Variants in ST3GAL5 observed in about 807,000 individuals in gnomAD.
ST3GAL5 encodes the protein ST3 beta-galactoside alpha-2,3-sialyltransferase 5, also known as lactosylceramide alpha-2,3-sialyltransferase.
ST3GAL5 carries 25 observed loss-of-function variants against 46.1 expected under a neutral mutation model. The observed-to-expected ratio is 0.54, with a 90% confidence interval of 0.40 to 0.76. ST3GAL5 has a LOEUF of 0.76. Ranked by LOEUF, ST3GAL5 falls within the 30% of genes least tolerant of loss-of-function variation. The pLI is 0.00. For missense variants in ST3GAL5, 431 were observed against 521.2 expected, an observed-to-expected ratio of 0.83 and a Z score of 1.69; for synonymous variants, 182 against 192.7, an observed-to-expected ratio of 0.94 and a Z score of 0.46.
chr2:85,883,028 G>A (rs368787091), intron 1 of ST3GAL5, among the ~76,000 whole-genome samples: 142 of 152,180 alleles, frequency 9.3e-4, no homozygotes, highest in African/African-American at 3.0e-3. Flanking sequence ...GACTTTGGTC[G>A]GTGGACTTTT....
chr2:85,846,826 A>C, intron 4 of ST3GAL5: 1 of 399,778 alleles, frequency 2.5e-6, no homozygotes, highest in Non-Finnish European at 4.5e-6. Context: ...CAATCTAAGC[A>C]TATTACATTT....
chr2:85,859,892 TA>T (rs1263126456), intron 3 of ST3GAL5, among the ~76,000 whole-genome samples: 1 of 152,158 alleles, frequency 6.6e-6, no homozygotes, highest in Non-Finnish European at 1.5e-5. Flanking sequence ...TTGAATTGGG[TA>T]AAACATTTAA....
At chr2:85,842,886 A>G (rs1682319136) in intron 6 of ST3GAL5, among the ~76,000 whole-genome samples, 1 of 151,508 alleles carries the variant, frequency 6.6e-6, no homozygotes, top group Admixed American at 6.6e-5. Context: ...TCAGCCTCCC[A>G]AGTAGCTGAA....
Position 85,839,815 on chromosome 2 carries a change from T to A in ST3GAL5, c.*329A>T. 5.5e-6 allele frequency: 2 copies of A among 365,826 alleles called. No individual in the cohort carries two copies. Among genetic ancestry groups the A allele is most frequent in the South Asian group, 4.5e-5 (2 of 44,160 alleles). 22.7% of individuals were successfully genotyped at this position (365,826 alleles called of 1,614,324 possible). The stretch of plus-strand genomic sequence containing the variant: ...CTTCCAATTAGTTACCTGTATTCAA[T>A]GTGCAGTGTAAACGAGCAGAAGTTT... On this transcript the variant is annotated 3_prime_UTR_variant, in exon 7 of 7. Transcript: ENST00000638572.
chr2:85,879,908 C>T (rs373035743), intron 1 of ST3GAL5, among the ~76,000 whole-genome samples: 4 of 151,992 alleles, frequency 2.6e-5, no homozygotes, highest in Admixed American at 1.3e-4. Flanking sequence ...ATCCCACTGC[C>T]GCAGAAAGCA....
chr2:85,847,717 C>G, intron 4 of ST3GAL5, 144 bp downstream of exon 4: 1 of 1,349,496 alleles, frequency 7.4e-7, no homozygotes, highest in Non-Finnish European at 9.9e-7. Flanking sequence ...ATCTCCTGAG[C>G]CTGGGAAGTT....
At chr2:85,885,426 G>A (rs770143851) in intron 1 of ST3GAL5, among the ~76,000 whole-genome samples, 1 of 152,182 alleles carries the variant, frequency 6.6e-6, no homozygotes, top group Non-Finnish European at 1.5e-5. Context: ...ACACAGCCAG[G>A]TAGAAACTGA....
intron 3 of ST3GAL5, chr2:85,856,143 T>C (rs147161283): frequency 1.1e-3 from 174 of 152,304 alleles, no homozygotes; most frequent in African/African-American, 4.0e-3. Context: ...CATACACATG[T>C]TCACAGCAGC....
rs754152337 is a variant in ST3GAL5, at chr2:85,848,028, C to T, written c.495G>A (p.Arg165=). The change falls in exon 4 of 7, where the codon CGG becomes CGA. Residue 165 remains arginine (R), a synonymous_variant. Transcript: ENST00000638572. ...ESKYDPPFGF[R]KFSSKVQTLL... ...GGGTCTGGACTTTACTGGAGAACTTCCGGAACCCAAAAGGAGGATCGTACT... is the reference window on the plus strand; with the variant it reads ...GGGTCTGGACTTTACTGGAGAACTTTCGGAACCCAAAAGGAGGATCGTACT... The T allele has an allele frequency of 5.6e-6, 9 of 1,614,114 alleles. No homozygotes were observed. In the South Asian group the frequency reaches 9.9e-5, roughly 18 times the overall value.
At chr2:85,871,471 A>G (rs982648494) in intron 1 of ST3GAL5, among the ~76,000 whole-genome samples, 1 of 152,262 alleles carries the variant, frequency 6.6e-6, no homozygotes, top group Non-Finnish European at 1.5e-5. Context: ...TTCAAAATTA[A>G]GAATTAACCA....
At chr2:85,869,324 C>A (rs981986364) in intron 1 of ST3GAL5, among the ~76,000 whole-genome samples, 1 of 151,874 alleles carries the variant, frequency 6.6e-6, no homozygotes, top group Non-Finnish European at 1.5e-5. Context: ...GGGTTAAGGG[C>A]GTGAGCCACC....
chr2:85,841,956 T>C (rs1280374098), intron 6 of ST3GAL5, among the ~76,000 whole-genome samples: 1 of 152,214 alleles, frequency 6.6e-6, no homozygotes, highest in Non-Finnish European at 1.5e-5. Context: ...TCCTTTTGTA[T>C]AGTTTTTCAT....
intron 1 of ST3GAL5, among the ~76,000 whole-genome samples, chr2:85,878,265 T>C (rs1002420915): frequency 2.0e-5 from 3 of 152,186 alleles, no homozygotes; most frequent in Non-Finnish European, 4.4e-5. Flanking sequence ...GAAAATAATA[T>C]AAGAACAGAA....
chr2:85,853,129 A>ATGC (rs1347454121), intron 3 of ST3GAL5: 3 of 1,284,648 alleles, frequency 2.3e-6, no homozygotes, highest in Non-Finnish European at 3.1e-6. Flanking sequence ...CAAGTTCAAA[A>ATGC]TGCTGCTACT....
chr2:85,861,098 T>C, intron 3 of ST3GAL5, 83 bp downstream of exon 3: 2 of 986,120 alleles, frequency 2.0e-6, no homozygotes, highest in Non-Finnish European at 3.2e-6. Context: ...CATATATTTG[T>C]CACACAGTAG....
At chr2:85,852,912 A>G in intron 3 of ST3GAL5, 1 of 1,304,216 alleles carries the variant, frequency 7.7e-7, no homozygotes, top group Non-Finnish European at 1.0e-6. Flanking sequence ...CTAAGGAGAG[A>G]AAAGACTCGG....
intron 6 of ST3GAL5, 81 bp from the exon 7 acceptor site, chr2:85,840,473 G>T: frequency 6.7e-7 from 1 of 1,488,672 alleles, no homozygotes; most frequent in Non-Finnish European, 9.2e-7. Context: ...CACATGCTAC[G>T]CAGAGTCATG....
chr2:85,868,197 C>G, intron 1 of ST3GAL5: 1 of 153,590 alleles, frequency 6.5e-6, no homozygotes, highest in Admixed American at 6.4e-5. Flanking sequence ...ATTTTCTGTT[C>G]GGTGAAAAGG....
chr2:85,881,304 A>G (rs1180357820), intron 1 of ST3GAL5, among the ~76,000 whole-genome samples: 6 of 152,196 alleles, frequency 3.9e-5, no homozygotes, highest in Admixed American at 3.9e-4. Context: ...ATGGACTAAT[A>G]CAGTAAATTG....
Sources: gnomAD v4.1 joint callset for allele counts (sites outside exome capture counted in the v4.1 genomes callset) on GRCh38, gnomAD v4.1.1 for gene constraint, MANE v1.5 for transcripts, NCBI Gene and HGNC (gene_info 2026-07-23, HGNC 2026-07-21) for gene names.